Variants in KCTD16 observed in about 807,000 individuals in gnomAD.
The protein encoded by KCTD16 is potassium channel tetramerization domain containing 16.
A neutral mutation model predicts 33.2 loss-of-function variants in KCTD16; 13 were observed. The observed-to-expected ratio is 0.39, with a 90% CI of 0.25 to 0.62. The LOEUF is 0.62. Among genes scored for constraint, KCTD16 ranks in the 20% least tolerant of loss-of-function variants. The probability of loss-of-function intolerance (pLI) is 0.50; values close to 1 mark genes in which losing one functional copy is unlikely to be tolerated. For synonymous variants in KCTD16, 197 were observed against 195.3 expected (o/e 1.01, Z -0.07); for missense variants, 441 against 525.1 (o/e 0.84, Z 1.57).
At chr5:144,421,513 A>C (rs189135803) in intron 3 of KCTD16, among the ~76,000 whole-genome samples, 25 of 152,254 alleles carry the variant, frequency 1.6e-4, no homozygotes, top group African/African-American at 6.0e-4. Context: ...TCATGCCATC[A>C]GTACTCCATC....
rs1754707107 is a variant in KCTD16, at chr5:144,481,714, A to G, written c.*7600A>G. 6.6e-6 allele frequency: 1 copy of G among 151,930 alleles called. No individual in the cohort carries two copies. The highest frequency in any genetic ancestry group is 2.4e-5 in the African/African-American group (1 of 41,390). 9.4% of individuals were successfully genotyped at this position (151,930 alleles called of 1,614,324 possible). A position where few individuals can be genotyped will look rare whatever the true frequency, so the allele number is the denominator to read the frequency against. On this transcript the variant is annotated 3_prime_UTR_variant, in exon 4 of 4. Transcript: ENST00000512467. ...CAAATATTTGTTGGGTACATACTAT[A>G]TATAGGTCACTGTCGTGAGCATTAT...
In KCTD16 at chr5:144,485,212, C is replaced by T. The variant is rs1319611770; in HGVS notation, c.*11098C>T. ...GATAGAAAATGCTACTACTAATTGT[C>T]CCAATGGAATTGCACATCATTTTGG... On this transcript the variant is annotated 3_prime_UTR_variant, in exon 4 of 4. Coordinates refer to ENST00000512467, the MANE Select transcript of KCTD16 (RefSeq NM_020768.4). The T allele has an allele frequency of 1.3e-5, 2 of 151,844 alleles. No homozygotes were observed. Among genetic ancestry groups the T allele is most frequent in the Non-Finnish European group, 2.9e-5 (2 of 67,886 alleles). The allele number at this position is 151,844 out of a possible 1,614,324, so 9.4% of individuals were successfully genotyped here.
At chr5:144,405,581 A>G (rs938129046) in intron 3 of KCTD16, among the ~76,000 whole-genome samples, 6 of 152,162 alleles carry the variant, frequency 3.9e-5, no homozygotes, top group African/African-American at 1.4e-4. Context: ...TCTCTGTAAC[A>G]CATGAGAAGC....
intron 3 of KCTD16, among the ~76,000 whole-genome samples, chr5:144,362,574 T>A (rs1751737957): frequency 6.6e-6 from 1 of 152,192 alleles, no homozygotes; most frequent in South Asian, 2.1e-4. Context: ...AGGTTCTAAG[T>A]TTCCTCATCT....
intron 3 of KCTD16, among the ~76,000 whole-genome samples, chr5:144,293,843 A>G (rs996932793): frequency 2.0e-5 from 3 of 152,246 alleles, no homozygotes; most frequent in African/African-American, 7.2e-5. Flanking sequence ...TAACTAGAAT[A>G]TAAACCATGC....
chr5:144,289,290 T>C (rs1236501391), intron 3 of KCTD16, among the ~76,000 whole-genome samples: 1 of 152,240 alleles, frequency 6.6e-6, no homozygotes, highest in Non-Finnish European at 1.5e-5. Flanking sequence ...CTGGGATATT[T>C]AATGTTCTGA....
At position 144,473,625 on chromosome 5, in the gene KCTD16, G is replaced by A. The variant is rs777871647; in HGVS notation, c.833-35G>A. On this transcript the variant is annotated intron_variant, in intron 3 of 3. Transcript: ENST00000512467. Reference sequence around the variant, plus strand: ...ACTGCTACTCCAACTGACCTGGCTGGCATTAATCCTTTGGGTCCTTTGCTT... The same window carrying A: ...ACTGCTACTCCAACTGACCTGGCTGACATTAATCCTTTGGGTCCTTTGCTT... The A allele has an allele frequency of 3.0e-5, 47 of 1,549,872 alleles. 2 individuals carry two copies. In the Middle Eastern group the frequency reaches 1.1e-3, roughly 36 times the overall value.
intron 3 of KCTD16, among the ~76,000 whole-genome samples, chr5:144,285,578 A>G (rs1355691979): frequency 6.6e-6 from 1 of 152,152 alleles, no homozygotes; most frequent in African/African-American, 2.4e-5. Context: ...TTGTTTTTCT[A>G]TGCATAGCAC....
intron 3 of KCTD16, chr5:144,439,433 C>A (rs1753651021): frequency 2.9e-6 from 1 of 348,002 alleles, no homozygotes; most frequent in South Asian, 2.7e-5. Flanking sequence ...AGCCTCACAT[C>A]TTACTATTCC....
At chr5:144,360,170 G>A (rs572820361) in intron 3 of KCTD16, among the ~76,000 whole-genome samples, 10 of 151,938 alleles carry the variant, frequency 6.6e-5, no homozygotes, top group Non-Finnish European at 1.5e-4. Flanking sequence ...GTATACACGT[G>A]CCATGGTGGT....
rs567899430 is a variant in KCTD16, at chr5:144,426,203, T to C, written c.833-47457T>C. Among the ~76,000 whole-genome samples the C allele has an allele frequency of 5.3e-5, 8 of 152,304 alleles. No individual in the cohort carries two copies. The South Asian group carries it at 1.4e-3, about 28-fold the overall frequency. ...CTGCATTCTATCAAGCCCTAGGGCA[T>C]TGGCACAATTCAACCAAAGTCTTTC... is the stretch of plus-strand genomic sequence containing the variant. On this transcript the variant is annotated intron_variant, in intron 3 of 3. Transcript: ENST00000512467.
At chr5:144,431,179 C>T (rs965898945) in intron 3 of KCTD16, among the ~76,000 whole-genome samples, 3 of 152,128 alleles carry the variant, frequency 2.0e-5, no homozygotes, top group African/African-American at 7.2e-5. Flanking sequence ...GAAGTTGCCT[C>T]TGTCAAAACT....
At chr5:144,351,498 T>C (rs1273154029) in intron 3 of KCTD16, among the ~76,000 whole-genome samples, 1 of 152,174 alleles carries the variant, frequency 6.6e-6, no homozygotes, top group Non-Finnish European at 1.5e-5. Flanking sequence ...TGGAGGTTCC[T>C]TAAAGAATTA....
At chr5:144,377,761 C>A (rs1752124910) in intron 3 of KCTD16, 1 of 152,150 alleles carries the variant, frequency 6.6e-6, no homozygotes. Flanking sequence ...AGTTCTCAGA[C>A]CCAGGAGTGA....
chr5:144,446,609 G>A (rs1478851039), intron 3 of KCTD16, among the ~76,000 whole-genome samples: 4 of 152,236 alleles, frequency 2.6e-5, no homozygotes, highest in East Asian at 3.9e-4. Flanking sequence ...TATCATAAGA[G>A]TGAACAGGCA....
chr5:144,360,646 G>T (rs1302405706), intron 3 of KCTD16, among the ~76,000 whole-genome samples: 6 of 152,074 alleles, frequency 3.9e-5, no homozygotes, highest in Non-Finnish European at 8.8e-5. Flanking sequence ...TGGCCAGGCT[G>T]CTCTCAAACT....
At chr5:144,302,241 T>C (rs1751461114) in intron 3 of KCTD16, among the ~76,000 whole-genome samples, 1 of 152,162 alleles carries the variant, frequency 6.6e-6, no homozygotes, top group Non-Finnish European at 1.5e-5. Context: ...TCAAGCTTAA[T>C]AGTATCACTT....
rs116626516 is a variant in KCTD16, at chr5:144,413,850, G to A, written c.833-59810G>A. The stretch of plus-strand genomic sequence containing the variant: ...TCAATAGTTTGTTGCTGCAGAATGA[G>A]CATCGATTTAAGAATCTGGAGAACC... On this transcript the variant is annotated intron_variant, in intron 3 of 3. Coordinates refer to ENST00000512467, the MANE Select transcript of KCTD16 (RefSeq NM_020768.4). Among the ~76,000 whole-genome samples the A allele has an allele frequency of 9.6e-3, 1,467 of 152,228 alleles. 25 individuals carry two copies. Among genetic ancestry groups the A allele is most frequent in the African/African-American group, 0.033 (1,384 of 41,542 alleles).
At chr5:144,438,898 A>G (rs1209457483) in intron 3 of KCTD16, among the ~76,000 whole-genome samples, 9 of 152,140 alleles carry the variant, frequency 5.9e-5, no homozygotes, top group African/African-American at 2.2e-4. Context: ...GTAAGTCACC[A>G]TCTTCTACCT....
Sources: gnomAD v4.1 joint callset for allele counts (sites outside exome capture counted in the v4.1 genomes callset) on GRCh38, gnomAD v4.1.1 for gene constraint, MANE v1.5 for transcripts, NCBI Gene and HGNC (gene_info 2026-07-23, HGNC 2026-07-21) for gene names.